DLGAP1: variants seen among roughly 807,000 people sequenced by gnomAD.
DLGAP1 encodes DLG associated protein 1, also known as disks large-associated protein 1.
Under a neutral mutation model 90.8 loss-of-function variants are expected in DLGAP1, and 11 were observed. That is an observed-to-expected ratio of 0.12 (90% CI 0.08 to 0.20). DLGAP1 has a LOEUF of 0.20. Among genes scored for constraint, DLGAP1 ranks in the 10% least tolerant of loss-of-function variants. The probability of loss-of-function intolerance (pLI) is 1.00; values close to 1 mark genes in which losing one functional copy is unlikely to be tolerated. For synonymous variants in DLGAP1, 558 were observed against 540.7 expected (o/e 1.03, Z -0.44); for missense variants, 1,050 against 1,333.8 (o/e 0.79, Z 3.31).
chr18:4,236,699 C>CTTAA (rs1344048952), intron 1 of DLGAP1, among the ~76,000 whole-genome samples: 1 of 151,602 alleles, frequency 6.6e-6, no homozygotes, highest in Admixed American at 6.6e-5. Flanking sequence ...TGATATTTAT[C>CTTAA]TTAAGCGAGG....
intron 1 of DLGAP1, among the ~76,000 whole-genome samples, chr18:4,339,578 G>C (rs1225388809): frequency 6.6e-6 from 1 of 152,154 alleles, no homozygotes; most frequent in African/African-American, 2.4e-5. Flanking sequence ...ACAATAATGA[G>C]CTCACTCCAG....
chr18:3,891,869 GC>G (rs1443565876), intron 3 of DLGAP1: 1 of 151,984 alleles, frequency 6.6e-6, no homozygotes, highest in African/African-American at 2.4e-5. Flanking sequence ...CTCCTGCACA[GC>G]TAGGACTACA....
intron 8 of DLGAP1, among the ~76,000 whole-genome samples, chr18:3,567,811 T>C (rs1241612719): frequency 6.6e-6 from 1 of 152,212 alleles, no homozygotes; most frequent in Non-Finnish European, 1.5e-5. Flanking sequence ...ATGTTTATGA[T>C]TCCTCCACAG....
intron 1 of DLGAP1, among the ~76,000 whole-genome samples, chr18:4,260,367 C>A (rs73376944): frequency 0.013 from 2,019 of 152,240 alleles, 41 homozygotes; most frequent in African/African-American, 0.045. Context: ...TGGAAAGTCC[C>A]AACCTGCGGA....
intron 7 of DLGAP1, among the ~76,000 whole-genome samples, chr18:3,667,336 C>T (rs2059920921): frequency 1.3e-5 from 2 of 152,164 alleles, no homozygotes; most frequent in South Asian, 4.1e-4. Flanking sequence ...GCCTCGGCCT[C>T]ACAGTCAACA....
chr18:4,313,868 C>G (rs1026078665), intron 1 of DLGAP1, among the ~76,000 whole-genome samples: 1 of 152,152 alleles, frequency 6.6e-6, no homozygotes, highest in Non-Finnish European at 1.5e-5. Flanking sequence ...CAGATCAGTG[C>G]TCAACAAGAC....
In DLGAP1 at chr18:3,663,606, C is replaced by T. The variant is rs550836745; in HGVS notation, c.1591+65529G>A. On this transcript the variant is annotated intron_variant, in intron 7 of 12. Transcript: ENST00000315677. ...AGGAACTGTCTCTGGAAGCCCTGAA[C>T]TGACATGTAAGGAGTCTTGAAGCCG... Among the ~76,000 whole-genome samples, 60 of 152,320 alleles carry T rather than the reference C, an allele frequency of 3.9e-4. No individual in the cohort carries two copies. In the South Asian group the frequency reaches 0.012, roughly 32 times the overall value.
chr18:4,350,734 C>G (rs2081387677), intron 1 of DLGAP1, among the ~76,000 whole-genome samples: 2 of 152,116 alleles, frequency 1.3e-5, no homozygotes, highest in Non-Finnish European at 2.9e-5. Context: ...TAGAGGTCTT[C>G]TTTTGACTTT....
chr18:3,579,244 CT>C (rs1357961282), intron 8 of DLGAP1, among the ~76,000 whole-genome samples: 1 of 152,176 alleles, frequency 6.6e-6, no homozygotes, highest in East Asian at 1.9e-4. Context: ...GAATTTTGCT[CT>C]TGTTGCCCCG....
intron 2 of DLGAP1, among the ~76,000 whole-genome samples, chr18:4,056,339 C>T (rs543338372): frequency 1.3e-5 from 2 of 152,330 alleles, no homozygotes; most frequent in African/African-American, 4.8e-5. Flanking sequence ...TGCCTGTCTT[C>T]ATACTTCTGA....
At chr18:3,858,528 G>GCGCA (rs1555694824) in intron 4 of DLGAP1, among the ~76,000 whole-genome samples, 3 of 139,940 alleles carry the variant, frequency 2.1e-5, no homozygotes, top group Non-Finnish European at 3.1e-5. Context: ...ATATATATAT[G>GCGCA]CACACACACA....
At chr18:4,182,813 G>T (rs2077230702) in intron 1 of DLGAP1, among the ~76,000 whole-genome samples, 1 of 152,154 alleles carries the variant, frequency 6.6e-6, no homozygotes, top group Non-Finnish European at 1.5e-5. Flanking sequence ...CTGGACCATG[G>T]ACAGGTAGAA....
At chr18:3,580,264 G>A in intron 8 of DLGAP1, 4 of 1,603,306 alleles carry the variant, frequency 2.5e-6, no homozygotes, top group Admixed American at 3.3e-5. Context: ...GTGGAGTGGG[G>A]GACGCTCCAG....
intron 7 of DLGAP1, among the ~76,000 whole-genome samples, chr18:3,595,394 A>G (rs1018294515): frequency 1.3e-5 from 2 of 152,218 alleles, no homozygotes; most frequent in African/African-American, 4.8e-5. Flanking sequence ...TTTGGCAGTA[A>G]GTTAAACAGG....
chr18:3,716,000 T>TA (rs1598436953), intron 7 of DLGAP1, among the ~76,000 whole-genome samples: 3 of 152,200 alleles, frequency 2.0e-5, no homozygotes, highest in Admixed American at 2.0e-4. Flanking sequence ...GAATATTTTT[T>TA]AAAAATTTAG....
At chr18:3,881,008 A>T (rs2071151937) in intron 3 of DLGAP1, among the ~76,000 whole-genome samples, 1 of 151,854 alleles carries the variant, frequency 6.6e-6, no homozygotes, top group African/African-American at 2.4e-5. Flanking sequence ...TTTAAAAAAA[A>T]ACCAAATTGT....
intron 7 of DLGAP1, among the ~76,000 whole-genome samples, chr18:3,590,164 C>T (rs781474865): frequency 6.6e-6 from 1 of 152,166 alleles, no homozygotes; most frequent in Non-Finnish European, 1.5e-5. Context: ...GCTCCCTTAG[C>T]CTCCCAAAGT....
chr18:4,225,544 TGAAATTCAAG>T (rs1232585532), intron 1 of DLGAP1, among the ~76,000 whole-genome samples: 1 of 151,944 alleles, frequency 6.6e-6, no homozygotes, highest in East Asian at 1.9e-4. Flanking sequence ...GGAAACTCAA[TGAAATTCAAG>T]GAAACGCAGA....
chr18:4,185,712 G>A (rs1404113353), intron 1 of DLGAP1, among the ~76,000 whole-genome samples: 2 of 152,214 alleles, frequency 1.3e-5, no homozygotes, highest in African/African-American at 2.4e-5. Context: ...TTGATTTCAT[G>A]TCTTTGCAAT....
Sources: gnomAD v4.1 joint callset for allele counts (sites outside exome capture counted in the v4.1 genomes callset) on GRCh38, gnomAD v4.1.1 for gene constraint, MANE v1.5 for transcripts, NCBI Gene and HGNC (gene_info 2026-07-23, HGNC 2026-07-21) for gene names.